CCSER1: variants seen among roughly 807,000 people sequenced by gnomAD.
The protein encoded by CCSER1 is serine-rich coiled-coil domain-containing protein 1.
A neutral mutation model predicts 82.0 loss-of-function variants in CCSER1; 41 were observed. The ratio of observed to expected loss-of-function variants is 0.50; its 90% CI spans 0.39 to 0.65. The LOEUF is 0.65. Among genes scored for constraint, CCSER1 ranks in the 30% least tolerant of loss-of-function variants. CCSER1 has a pLI of 0.00. For synonymous variants in CCSER1, 414 were observed against 383.9 expected (o/e 1.08, Z -0.92); for missense variants, 1,119 against 1,064.2 (o/e 1.05, Z -0.72).
chr4:90,422,086 A>T (rs1363820811), intron 4 of CCSER1, among the ~76,000 whole-genome samples: 1 of 152,170 alleles, frequency 6.6e-6, no homozygotes, highest in Non-Finnish European at 1.5e-5. Context: ...AGGGCTCATT[A>T]TCTCAAATGT....
At chr4:91,157,834 C>A (rs1385857582) in intron 10 of CCSER1, among the ~76,000 whole-genome samples, 1 of 151,944 alleles carries the variant, frequency 6.6e-6, no homozygotes, top group East Asian at 1.9e-4. Context: ...TTTGATTGTC[C>A]ATGCTCCTTT....
chr4:90,289,229 G>A (rs367992646), intron 1 of CCSER1, among the ~76,000 whole-genome samples: 7 of 151,804 alleles, frequency 4.6e-5, no homozygotes, highest in South Asian at 2.1e-4. Flanking sequence ...CTAAATATGT[G>A]GCTTGACAGT....
At chr4:90,405,433 G>A (rs529219041) in intron 4 of CCSER1, among the ~76,000 whole-genome samples, 11 of 152,240 alleles carry the variant, frequency 7.2e-5, no homozygotes, top group African/African-American at 2.4e-4. Flanking sequence ...TTTGGAAAAC[G>A]TATTTGATGG....
intron 4 of CCSER1, among the ~76,000 whole-genome samples, chr4:90,458,604 C>T (rs1578568488): frequency 6.6e-6 from 1 of 152,176 alleles, no homozygotes; most frequent in African/African-American, 2.4e-5. Context: ...ATCCACCCAC[C>T]TCAGCTCCCC....
At position 90,770,107 on chromosome 4, in the gene CCSER1, C is replaced by T. The variant is rs189559542; in HGVS notation, c.2011-45655C>T. 4.5e-3 allele frequency among the ~76,000 whole-genome samples: 690 copies of T among 152,212 alleles called. 5 individuals are homozygous for T. The highest frequency in any genetic ancestry group is 0.016 in the African/African-American group (665 of 41,528). On this transcript the variant is annotated intron_variant, in intron 7 of 10. Coordinates refer to ENST00000509176, the MANE Select transcript of CCSER1 (RefSeq NM_001145065.2). ...GGGAATGCTTCCATGTCATGAGGAACCCAACAGTGAGACCTTCATGAGTGA... is the reference window on the plus strand; with the variant it reads ...GGGAATGCTTCCATGTCATGAGGAATCCAACAGTGAGACCTTCATGAGTGA...
At chr4:91,023,317 A>G (rs1740181891) in intron 9 of CCSER1, among the ~76,000 whole-genome samples, 1 of 152,194 alleles carries the variant, frequency 6.6e-6, no homozygotes, top group African/African-American at 2.4e-5. Flanking sequence ...TCTAAAGTTC[A>G]TATGGAACCA....
At chr4:90,632,943 C>G (rs1430513970) in intron 6 of CCSER1, among the ~76,000 whole-genome samples, 1 of 152,098 alleles carries the variant, frequency 6.6e-6, no homozygotes, top group Non-Finnish European at 1.5e-5. Context: ...ATTATGTGAT[C>G]AAGTCAGTCC....
At chr4:90,969,753 G>A (rs181610950) in intron 9 of CCSER1, among the ~76,000 whole-genome samples, 1 of 151,948 alleles carries the variant, frequency 6.6e-6, no homozygotes, top group African/African-American at 2.4e-5. Context: ...CACTGGCAAA[G>A]GTAAATATAT....
chr4:91,105,500 T>C (rs895990973), intron 10 of CCSER1, among the ~76,000 whole-genome samples: 2 of 151,940 alleles, frequency 1.3e-5, no homozygotes, highest in Non-Finnish European at 2.9e-5. Flanking sequence ...GGTCAGGAGT[T>C]TGAGACCAGC....
At chr4:90,751,261 G>T (rs1262401887) in intron 7 of CCSER1, among the ~76,000 whole-genome samples, 1 of 152,066 alleles carries the variant, frequency 6.6e-6, no homozygotes, top group Non-Finnish European at 1.5e-5. Flanking sequence ...GATGAGATTT[G>T]TTAATATACA....
chr4:91,575,373 T>C (rs1252244268), intron 10 of CCSER1, among the ~76,000 whole-genome samples: 1 of 151,770 alleles, frequency 6.6e-6, no homozygotes, highest in African/African-American at 2.4e-5. Context: ...AAGCAGAATG[T>C]CATCAAACTA....
chr4:91,168,614 C>T (rs1309691726), intron 10 of CCSER1, among the ~76,000 whole-genome samples: 1 of 149,780 alleles, frequency 6.7e-6, no homozygotes, highest in African/African-American at 2.5e-5. Context: ...AAGTGAGGAG[C>T]ATCTCTGCCC....
chr4:90,594,868 A>G (rs1003573287), intron 5 of CCSER1, among the ~76,000 whole-genome samples: 3 of 152,064 alleles, frequency 2.0e-5, no homozygotes, highest in Admixed American at 2.0e-4. Flanking sequence ...CACAACACCT[A>G]GTATTAGATG....
intron 5 of CCSER1, among the ~76,000 whole-genome samples, chr4:90,610,496 C>T (rs543088702): frequency 1.2e-4 from 19 of 152,022 alleles, no homozygotes; most frequent in Non-Finnish European, 2.2e-4. Context: ...TAAATAGATA[C>T]ATATGATATA....
At chr4:90,324,682 C>T (rs1274014962) in intron 3 of CCSER1, among the ~76,000 whole-genome samples, 1 of 151,774 alleles carries the variant, frequency 6.6e-6, no homozygotes, top group Non-Finnish European at 1.5e-5. Flanking sequence ...TAATTAGATC[C>T]CATTTGTCAA....
chr4:90,467,556 G>A (rs891140446), intron 4 of CCSER1, among the ~76,000 whole-genome samples: 7 of 151,870 alleles, frequency 4.6e-5, no homozygotes, highest in Admixed American at 3.3e-4. Flanking sequence ...GGTGGCGGGC[G>A]CCTGTAATCC....
chr4:90,665,443 TC>T (rs1244654360), intron 6 of CCSER1, among the ~76,000 whole-genome samples: 1 of 152,000 alleles, frequency 6.6e-6, no homozygotes, highest in African/African-American at 2.4e-5. Flanking sequence ...TGCCTCAGCC[TC>T]CTGAGTAGCT....
At chr4:90,198,194 T>G (rs939179006) in intron 1 of CCSER1, among the ~76,000 whole-genome samples, 2 of 152,164 alleles carry the variant, frequency 1.3e-5, no homozygotes, top group Admixed American at 6.6e-5. Context: ...CCTTTGTTCC[T>G]TCTTCCTTCC....
At chr4:90,612,913 C>G (rs906130374) in intron 5 of CCSER1, among the ~76,000 whole-genome samples, 8 of 151,988 alleles carry the variant, frequency 5.3e-5, no homozygotes, top group Non-Finnish European at 1.2e-4. Context: ...TGTATTTTGA[C>G]AGGGAAGTTA....
Sources: gnomAD v4.1 joint callset for allele counts (sites outside exome capture counted in the v4.1 genomes callset) on GRCh38, gnomAD v4.1.1 for gene constraint, MANE v1.5 for transcripts, NCBI Gene and HGNC (gene_info 2026-07-23, HGNC 2026-07-21) for gene names.